ZMAT4: variants seen among roughly 807,000 people sequenced by gnomAD.
The protein encoded by ZMAT4 is zinc finger matrin-type 4, also known as zinc finger matrin-type protein 4.
ZMAT4 carries 17 observed loss-of-function variants against 28.7 expected under a neutral mutation model. The observed-to-expected ratio is 0.59, with a 90% CI of 0.41 to 0.89. ZMAT4 has a LOEUF of 0.89. Among genes scored for constraint, ZMAT4 ranks in the 40% least tolerant of loss-of-function variants. The probability of loss-of-function intolerance (pLI) is 0.00; values close to 1 mark genes in which losing one functional copy is unlikely to be tolerated. For synonymous variants in ZMAT4, 117 were observed against 109.2 expected, an observed-to-expected ratio of 1.07 and a Z score of -0.44; for missense variants, 240 against 283.8, an observed-to-expected ratio of 0.85 and a Z score of 1.11.
At chr8:40,651,318 T>C (rs1807636353) in intron 5 of ZMAT4, among the ~76,000 whole-genome samples, 1 of 152,152 alleles carries the variant, frequency 6.6e-6, no homozygotes, top group African/African-American at 2.4e-5. Flanking sequence ...GAGTGAACTC[T>C]CATTCACAAT....
At chr8:40,834,305 C>T (rs905357316) in intron 1 of ZMAT4, among the ~76,000 whole-genome samples, 1 of 152,038 alleles carries the variant, frequency 6.6e-6, no homozygotes, top group Admixed American at 6.5e-5. Context: ...TCTTTGCCAC[C>T]TCTCCCCTCT....
chr8:40,764,076 C>T (rs1813046261), intron 3 of ZMAT4, among the ~76,000 whole-genome samples: 1 of 151,984 alleles, frequency 6.6e-6, no homozygotes, highest in Non-Finnish European at 1.5e-5. Flanking sequence ...AAGCATCTGA[C>T]CCACGGGTCT....
At chr8:40,836,865 A>G (rs972666450) in intron 1 of ZMAT4, among the ~76,000 whole-genome samples, 1 of 152,212 alleles carries the variant, frequency 6.6e-6, no homozygotes, top group African/African-American at 2.4e-5. Context: ...TCATTCTGTT[A>G]TTAACGACGG....
At chr8:40,586,989 A>T (rs912519638) in intron 5 of ZMAT4, among the ~76,000 whole-genome samples, 9 of 152,046 alleles carry the variant, frequency 5.9e-5, no homozygotes, top group Non-Finnish European at 1.0e-4. Flanking sequence ...ATGGAACCAG[A>T]CAATGCTGAT....
At chr8:40,615,707 A>G (rs1805976945) in intron 5 of ZMAT4, among the ~76,000 whole-genome samples, 1 of 152,040 alleles carries the variant, frequency 6.6e-6, no homozygotes, top group Non-Finnish European at 1.5e-5. Context: ...CCTTTCTTCC[A>G]GTTGATCGAA....
rs1302886061 is a variant in ZMAT4, at chr8:40,782,201, T to C, written c.103-14471A>G. Among the ~76,000 whole-genome samples the C allele has an allele frequency of 3.9e-5, 6 of 151,946 alleles. No individual in the cohort carries two copies. The East Asian group carries it at 9.7e-4, about 25-fold the overall frequency. On this transcript the variant is annotated intron_variant, in intron 2 of 6. Coordinates refer to ENST00000297737, the MANE Select transcript of ZMAT4 (RefSeq NM_024645.3). The stretch of plus-strand genomic sequence containing the variant: ...AGGAGTTCAAGACCAGCCTGGCCAA[T>C]ATGGTGAAACCCCGCCTCTACTAAA...
chr8:40,737,812 ATT>A (rs34256692), intron 3 of ZMAT4, among the ~76,000 whole-genome samples: 7 of 146,484 alleles, frequency 4.8e-5, no homozygotes, highest in African/African-American at 1.5e-4. Context: ...TCCTTTGCTT[ATT>A]TTTTTTTTTT....
At chr8:40,724,280 T>C (rs73611497) in intron 3 of ZMAT4, among the ~76,000 whole-genome samples, 3,852 of 152,220 alleles carry the variant, frequency 0.025, 162 homozygotes, top group African/African-American at 0.088. Flanking sequence ...GGCAACACCA[T>C]TGGAAAAGCC....
At chr8:40,837,945 G>T (rs1231828820) in intron 1 of ZMAT4, among the ~76,000 whole-genome samples, 2 of 152,218 alleles carry the variant, frequency 1.3e-5, no homozygotes, top group Non-Finnish European at 2.9e-5. Flanking sequence ...CTGGCACATT[G>T]GTGTTGGTGC....
intron 6 of ZMAT4, among the ~76,000 whole-genome samples, chr8:40,560,218 A>T (rs62505394): frequency 5.2e-5 from 7 of 134,740 alleles, no homozygotes; most frequent in African/African-American, 1.8e-4. Flanking sequence ...TATATATATA[A>T]AATTTGACCA....
At chr8:40,732,472 A>G (rs1014462939) in intron 3 of ZMAT4, among the ~76,000 whole-genome samples, 5 of 152,242 alleles carry the variant, frequency 3.3e-5, no homozygotes, top group East Asian at 1.9e-4. Flanking sequence ...TGGCATCTGT[A>G]CAGTTGGGCA....
chr8:40,624,717 T>C (rs1275774656), intron 5 of ZMAT4, among the ~76,000 whole-genome samples: 2 of 152,198 alleles, frequency 1.3e-5, no homozygotes, highest in African/African-American at 4.8e-5. Flanking sequence ...CCCTCTTAAC[T>C]GGAAAACTTC....
intron 3 of ZMAT4, among the ~76,000 whole-genome samples, chr8:40,758,944 T>C (rs1457320896): frequency 6.6e-6 from 1 of 152,146 alleles, no homozygotes; most frequent in Admixed American, 6.6e-5. Context: ...ATAACGCTAT[T>C]GCAATCATAA....
intron 5 of ZMAT4, among the ~76,000 whole-genome samples, chr8:40,594,476 T>C (rs924665693): frequency 2.0e-5 from 3 of 152,210 alleles, no homozygotes; most frequent in Non-Finnish European, 2.9e-5. Context: ...AGCTCCCTAA[T>C]TTCTCCTTTT....
At chr8:40,534,001 G>A (rs560210655) in intron 6 of ZMAT4, among the ~76,000 whole-genome samples, 77 of 152,182 alleles carry the variant, frequency 5.1e-4, no homozygotes, top group Middle Eastern at 3.4e-3. Flanking sequence ...GCATCTTCAC[G>A]TAACAGTAAG....
chr8:40,593,563 C>T (rs1312406494), intron 5 of ZMAT4, among the ~76,000 whole-genome samples: 2 of 152,144 alleles, frequency 1.3e-5, no homozygotes, highest in African/African-American at 4.8e-5. Context: ...TGCCTTTTAG[C>T]TACATCAGCT....
chr8:40,690,323 T>C (rs1809605971), intron 4 of ZMAT4, among the ~76,000 whole-genome samples: 1 of 152,204 alleles, frequency 6.6e-6, no homozygotes. Context: ...TCACAAGGTA[T>C]CTGAGATGGC....
chr8:40,733,638 C>A (rs764036228), intron 3 of ZMAT4, among the ~76,000 whole-genome samples: 1 of 151,526 alleles, frequency 6.6e-6, no homozygotes, highest in South Asian at 2.1e-4. Context: ...CTTGGTGGAG[C>A]CTTAGGCACT....
chr8:40,847,332 A>G (rs868586), intron 1 of ZMAT4, among the ~76,000 whole-genome samples: 85,360 of 152,026 alleles, frequency 0.56, 24,791 homozygotes, highest in African/African-American at 0.69. Context: ...TTACACTAAG[A>G]TGTTAATGAG....
Sources: gnomAD v4.1 joint callset for allele counts (sites outside exome capture counted in the v4.1 genomes callset) on GRCh38, gnomAD v4.1.1 for gene constraint, MANE v1.5 for transcripts, NCBI Gene and HGNC (gene_info 2026-07-23, HGNC 2026-07-21) for gene names.